Variants in MYO3B observed in about 807,000 individuals in gnomAD.
MYO3B encodes myosin-IIIb.
Under a neutral mutation model 174.6 loss-of-function variants are expected in MYO3B, and 156 were observed. The observed-to-expected ratio is 0.89, with a 90% CI of 0.78 to 1.02. The LOEUF (loss-of-function observed/expected upper bound fraction) is 1.02, where lower values mean the gene tolerates loss of function less well. Among genes scored for constraint, MYO3B ranks in the 50% least tolerant of loss-of-function variants. The pLI, the probability that MYO3B is intolerant of heterozygous loss-of-function variation, is 0.00. For synonymous variants in MYO3B, 563 were observed against 569.1 expected, an observed-to-expected ratio of 0.99 and a Z score of 0.15; for missense variants, 1,632 against 1,639.4, an observed-to-expected ratio of 1.00 and a Z score of 0.08.
chr2:170,617,758 ATGT>A (rs1475722034), intron 32 of MYO3B, among the ~76,000 whole-genome samples: 1 of 152,206 alleles, frequency 6.6e-6, no homozygotes, highest in Non-Finnish European at 1.5e-5. Flanking sequence ...TATAGAGAAA[ATGT>A]TGACAATCTC....
rs866582085 is a variant in MYO3B at position 170,382,663 on chromosome 2, A to G, written c.1069-410A>G. 51 of 179,414 alleles carry G rather than the reference A, an allele frequency of 2.8e-4. No homozygotes were observed. In the Middle Eastern group the frequency reaches 8.1e-3, roughly 29 times the overall value. 11.1% of individuals were successfully genotyped at this position (179,414 alleles called of 1,614,324 possible). A position where few individuals can be genotyped will look rare whatever the true frequency, so the allele number is the denominator to read the frequency against. On this transcript the variant is annotated intron_variant, in intron 10 of 34. Transcript: ENST00000408978. ...ATACAAAGTGGTTAATTCTGTATTT[A>G]TGCCACCTAGGTTTTAAGTGCAGTG... is the stretch of plus-strand genomic sequence containing the variant.
chr2:170,207,935 G>A (rs546394574), intron 3 of MYO3B, among the ~76,000 whole-genome samples: 97 of 152,210 alleles, frequency 6.4e-4, no homozygotes, highest in African/African-American at 2.1e-3. Context: ...GAGTCAAAGC[G>A]GCTTTCACCC....
chr2:170,364,270 C>A (rs1457728809), intron 8 of MYO3B, among the ~76,000 whole-genome samples: 1 of 114,626 alleles, frequency 8.7e-6, no homozygotes, highest in Non-Finnish European at 2.0e-5. Flanking sequence ...GAAACGTGGG[C>A]TCAAATAGAA....
chr2:170,354,742 C>G (rs946177853), intron 8 of MYO3B, among the ~76,000 whole-genome samples: 5 of 152,096 alleles, frequency 3.3e-5, no homozygotes, highest in Non-Finnish European at 7.4e-5. Context: ...GCCTGAGTTC[C>G]TTTCAGAAAG....
At chr2:170,368,164 T>C (rs188723983) in intron 8 of MYO3B, among the ~76,000 whole-genome samples, 5 of 152,366 alleles carry the variant, frequency 3.3e-5, no homozygotes, top group Admixed American at 3.3e-4. Flanking sequence ...GGCTGAAGTT[T>C]TTTAACATTT....
chr2:170,560,563 G>C (rs1016256185), intron 32 of MYO3B, among the ~76,000 whole-genome samples: 1 of 152,032 alleles, frequency 6.6e-6, no homozygotes, highest in South Asian at 2.1e-4. Flanking sequence ...TGTTAAATTG[G>C]TGCCAGTATT....
At chr2:170,185,367 AC>A (rs2092449107) in intron 1 of MYO3B, among the ~76,000 whole-genome samples, 1 of 151,978 alleles carries the variant, frequency 6.6e-6, no homozygotes, top group South Asian at 2.1e-4. Context: ...CATATGGATA[AC>A]CAATTTTCCC....
intron 7 of MYO3B, among the ~76,000 whole-genome samples, chr2:170,250,196 C>T (rs2093236105): frequency 6.6e-6 from 1 of 152,202 alleles, no homozygotes; most frequent in Non-Finnish European, 1.5e-5. Context: ...AGATAAACCA[C>T]TACAATTCAA....
intron 2 of MYO3B, 25 bp downstream of exon 2, chr2:170,199,416 C>A (rs369067324): frequency 5.5e-5 from 85 of 1,543,198 alleles, no homozygotes; most frequent in Non-Finnish European, 7.1e-5. Flanking sequence ...TAAATTATAA[C>A]CAGAATTTGG....
chr2:170,377,086 T>G (rs2094299187), intron 9 of MYO3B, among the ~76,000 whole-genome samples: 1 of 152,218 alleles, frequency 6.6e-6, no homozygotes, highest in Admixed American at 6.5e-5. Context: ...GGCTAATTGA[T>G]TAATGAGTCA....
chr2:170,611,470 G>GA (rs1209388953), intron 32 of MYO3B, among the ~76,000 whole-genome samples: 1 of 152,018 alleles, frequency 6.6e-6, no homozygotes, highest in South Asian at 2.1e-4. Context: ...AAATGGGTAT[G>GA]AAAAAAAATT....
At chr2:170,324,291 A>G (rs1170058335) in intron 7 of MYO3B, among the ~76,000 whole-genome samples, 1 of 152,170 alleles carries the variant, frequency 6.6e-6, no homozygotes, top group South Asian at 2.1e-4. Flanking sequence ...ATTTATCCCA[A>G]GGAAGTTTTG....
chr2:170,184,075 G>T (rs994592949), intron 1 of MYO3B, among the ~76,000 whole-genome samples: 1 of 151,028 alleles, frequency 6.6e-6, no homozygotes, highest in East Asian at 1.9e-4. Context: ...AGTTTTTGTG[G>T]GTACATAATA....
At chr2:170,338,825 A>G (rs2093961001) in intron 8 of MYO3B, among the ~76,000 whole-genome samples, 1 of 151,828 alleles carries the variant, frequency 6.6e-6, no homozygotes, top group Non-Finnish European at 1.5e-5. Context: ...TTAGTCTCGA[A>G]CTCCTGACCT....
At chr2:170,619,734 A>ATACTTT (rs1553539463) in intron 32 of MYO3B, among the ~76,000 whole-genome samples, 1 of 33,520 alleles carries the variant, frequency 3.0e-5, no homozygotes, top group Non-Finnish European at 7.4e-5. Flanking sequence ...CTGCTGCCAT[A>ATACTTT]TTCTTTTTTT....
chr2:170,547,268 T>G (rs1163094876), intron 32 of MYO3B, among the ~76,000 whole-genome samples: 4 of 150,650 alleles, frequency 2.7e-5, no homozygotes, highest in African/African-American at 9.8e-5. Context: ...AGGCGGAGCT[T>G]GCAGTGAGCC....
chr2:170,597,040 CT>C, intron 32 of MYO3B, among the ~76,000 whole-genome samples: 1 of 152,210 alleles, frequency 6.6e-6, no homozygotes, highest in South Asian at 2.1e-4. Flanking sequence ...CAACATTTAC[CT>C]TGCCCTACTC....
chr2:170,344,159 C>T (rs1400910710), intron 8 of MYO3B: 1 of 152,152 alleles, frequency 6.6e-6, no homozygotes. Flanking sequence ...GAAAAAAATG[C>T]AAGTCTCCTT....
chr2:170,584,193 C>G (rs989463419), intron 32 of MYO3B, among the ~76,000 whole-genome samples: 3 of 152,368 alleles, frequency 2.0e-5, no homozygotes, highest in African/African-American at 7.2e-5. Flanking sequence ...TGTGGTCCCC[C>G]TATGGGGCTC....
Sources: gnomAD v4.1 joint callset for allele counts (sites outside exome capture counted in the v4.1 genomes callset) on GRCh38, gnomAD v4.1.1 for gene constraint, MANE v1.5 for transcripts, NCBI Gene and HGNC (gene_info 2026-07-23, HGNC 2026-07-21) for gene names.